SV2B: variants seen among roughly 807,000 people sequenced by gnomAD.
SV2B encodes solute carrier family 22 member B2.
In SV2B, 41 loss-of-function variants were observed where a neutral mutation model predicts 73.9. The ratio of observed to expected loss-of-function variants is 0.56; its 90% CI spans 0.43 to 0.72. The LOEUF (loss-of-function observed/expected upper bound fraction) is 0.72, where lower values mean the gene tolerates loss of function less well. SV2B is among the 30% of genes least tolerant of loss of function. SV2B has a pLI of 0.00. For missense variants in SV2B, 764 were observed against 857.8 expected (o/e 0.89, Z 1.37); for synonymous variants, 314 against 314.2 (o/e 1.00, Z 0.01).
chr15:91,188,613 C>T (rs943024203), intron 1 of SV2B, among the ~76,000 whole-genome samples: 4 of 152,062 alleles, frequency 2.6e-5, no homozygotes, highest in Non-Finnish European at 5.9e-5. Flanking sequence ...CCACTCCCGG[C>T]CTGAATGTTC....
Position 91,281,697 on chromosome 15 carries a change from G to T in SV2B, c.1374-31G>T. The T allele has an allele frequency of 6.5e-7, 1 of 1,526,812 alleles. No individual in the cohort carries two copies. The highest frequency in any genetic ancestry group is 1.8e-4 in the Middle Eastern group (1 of 5,672). The allele number at this position is 1,526,812 out of a possible 1,614,324, so 94.6% of individuals were successfully genotyped here. On this transcript the variant is annotated intron_variant, in intron 9 of 12. Coordinates refer to ENST00000394232, the MANE Select transcript of SV2B (RefSeq NM_001323032.3). The surrounding 1 kb of genome is among the most constrained non-coding windows in gnomAD (Gnocchi z 4.7). ...TCTTAAGTCTCTTTTTTTCTCAGAT[G>T]AATCACTCAAGGGTCAACCTCTTCC...
intron 1 of SV2B, among the ~76,000 whole-genome samples, chr15:91,172,366 A>G (rs2044151941): frequency 6.6e-6 from 1 of 152,200 alleles, no homozygotes; most frequent in Non-Finnish European, 1.5e-5. Context: ...AAGGTCTCCT[A>G]TGTGTCAGGC....
intron 1 of SV2B, among the ~76,000 whole-genome samples, chr15:91,191,132 T>C (rs1172159510): frequency 2.1e-5 from 3 of 144,656 alleles, no homozygotes; most frequent in East Asian, 2.2e-4. Flanking sequence ...ATGGTGCAAT[T>C]TGGGCTCACT....
intron 11 of SV2B, among the ~76,000 whole-genome samples, chr15:91,286,287 C>A (rs888776801): frequency 6.6e-6 from 1 of 152,176 alleles, no homozygotes; most frequent in Non-Finnish European, 1.5e-5. Context: ...ATAGCCCTAT[C>A]CCCACCTCTC....
In SV2B at chr15:91,253,947, A is replaced by G. The variant is rs1448407134; in HGVS notation, c.784+1427A>G. On this transcript the variant is annotated intron_variant, in intron 4 of 12. Coordinates refer to ENST00000394232, the MANE Select transcript of SV2B (RefSeq NM_001323032.3). This position sits in a 1 kb window ranked among gnomAD's most constrained non-coding sequence, Gnocchi z 5.0. Reference sequence around the variant, plus strand: ...TATATCAGAAACAGAAAAAATATGAAAAGGAATAGTGAAATAAAGAGTTGA... The same window carrying G: ...TATATCAGAAACAGAAAAAATATGAGAAGGAATAGTGAAATAAAGAGTTGA... 1.3e-5 allele frequency among the ~76,000 whole-genome samples: 2 copies of G among 152,194 alleles called. No individual in the cohort carries two copies. The highest frequency in any genetic ancestry group is 6.5e-5 in the Admixed American group (1 of 15,282).
chr15:91,293,721 G>A lies in SV2B; in HGVS notation c.*1169G>A, dbSNP rs911810879. Reference sequence around the variant, plus strand: ...TTTTTGTTTGTTCTAGTGGTAAAATGCAAATGCAATCCATATTTGTTAGGA... The same window carrying A: ...TTTTTGTTTGTTCTAGTGGTAAAATACAAATGCAATCCATATTTGTTAGGA... On this transcript the variant is annotated 3_prime_UTR_variant, in exon 13 of 13. Transcript: ENST00000394232. The A allele has an allele frequency of 2.6e-5, 4 of 152,222 alleles. No homozygotes were observed. Among genetic ancestry groups the A allele is most frequent in the African/African-American group, 7.2e-5 (3 of 41,450 alleles). 9.4% of individuals were successfully genotyped at this position (152,222 alleles called of 1,614,324 possible).
intron 1 of SV2B, among the ~76,000 whole-genome samples, chr15:91,195,743 T>C (rs182159267): frequency 1.3e-5 from 2 of 152,300 alleles, no homozygotes; most frequent in Admixed American, 1.3e-4. Context: ...AAAATGTAAA[T>C]AGTGGTAGTA....
intron 1 of SV2B, among the ~76,000 whole-genome samples, chr15:91,168,658 A>G (rs933181263): frequency 1.3e-5 from 2 of 152,134 alleles, no homozygotes; most frequent in Non-Finnish European, 2.9e-5. Context: ...AGCTGGGAGA[A>G]TTGAAAAAAA....
chr15:91,289,593 G>T lies in SV2B; in HGVS notation c.1781G>T (p.Gly594Val). ...GGCAACAGTGAGTCTGCAATGATCG[G>T]CTGGCAGTGCCTGTTCTGTGGGACA... The part of the protein sequence containing the change: ...FFGNSESAMI[G>V]WQCLFCGTSI... Residue 594 changes from glycine (G) to valine (V), a missense_variant, in exon 12 of 13, where the codon GGC (glycine) becomes GTC (valine). Coordinates refer to ENST00000394232, the MANE Select transcript of SV2B (RefSeq NM_001323032.3). This position sits in a 1 kb window ranked among gnomAD's most constrained non-coding sequence, Gnocchi z 4.9. 3.1e-6 allele frequency: 5 copies of T among 1,614,190 alleles called. No individual in the cohort carries two copies. The highest frequency in any genetic ancestry group is 3.4e-6 in the Non-Finnish European group (4 of 1,180,040).
chr15:91,177,361 A>T (rs1224855341), intron 1 of SV2B, among the ~76,000 whole-genome samples: 1 of 151,720 alleles, frequency 6.6e-6, no homozygotes, highest in African/African-American at 2.4e-5. Flanking sequence ...CTTAGGATTG[A>T]CTTGGCGATG....
Position 91,124,659 on chromosome 15 carries a change from A to AT in SV2B, c.-392+24296_-392+24297insT, listed in dbSNP as rs201868956. On this transcript the variant is annotated intron_variant, in intron 1 of 12. Transcript: ENST00000394232. This position sits in a 1 kb window ranked among gnomAD's most constrained non-coding sequence, Gnocchi z 4.6. ...ACAGAAATTTCTTTCTTTCAACAAAAATTTTTTTTTTTTTGAGACAGTCTC... is the reference window on the plus strand; with the variant it reads ...ACAGAAATTTCTTTCTTTCAACAAAATATTTTTTTTTTTTTGAGACAGTCTC... Among the ~76,000 whole-genome samples the AT allele has an allele frequency of 7.2e-3, 1,090 of 151,576 alleles. 8 individuals are homozygous for AT. The highest frequency in any genetic ancestry group is 0.025 in the African/African-American group (1,024 of 41,216).
At chr15:91,103,696 G>A (rs2041801065) in intron 1 of SV2B, among the ~76,000 whole-genome samples, 2 of 152,182 alleles carry the variant, frequency 1.3e-5, no homozygotes, top group Non-Finnish European at 2.9e-5. Context: ...GGCCAGAAAT[G>A]GGGCTGGATG....
chr15:91,227,509 T>C lies in SV2B; in HGVS notation c.451+795T>C, dbSNP rs1032553510. Reference sequence around the variant, plus strand: ...CTGAAAAATGTATCTACCCTCTAAATTTAGAGTCTATGAAATTAATTGTGC... The same window carrying C: ...CTGAAAAATGTATCTACCCTCTAAACTTAGAGTCTATGAAATTAATTGTGC... On this transcript the variant is annotated intron_variant, in intron 2 of 12. Coordinates refer to ENST00000394232, the MANE Select transcript of SV2B (RefSeq NM_001323032.3). The surrounding 1 kb of genome is among the most constrained non-coding windows in gnomAD (Gnocchi z 4.5). Among the ~76,000 whole-genome samples the C allele has an allele frequency of 8.5e-5, 13 of 152,316 alleles. No individual in the cohort carries two copies. Among genetic ancestry groups the C allele is most frequent in the African/African-American group, 3.1e-4 (13 of 41,580 alleles).
intron 4 of SV2B, among the ~76,000 whole-genome samples, chr15:91,256,234 A>G (rs1168869710): frequency 1.3e-5 from 2 of 152,214 alleles, no homozygotes; most frequent in African/African-American, 2.4e-5. Flanking sequence ...CCAAATTAAT[A>G]TTGTTCCAAA....
At position 91,220,378 on chromosome 15, in the gene SV2B, T is replaced by C. The variant is rs1346609895; in HGVS notation, c.-391-5495T>C. ...TCTCATAGCCTTTAATATAGCAATG[T>C]GCATTGTGCATTTCTGAAAGAGAAT... On this transcript the variant is annotated intron_variant, in intron 1 of 12. Coordinates refer to ENST00000394232, the MANE Select transcript of SV2B (RefSeq NM_001323032.3). The surrounding 1 kb of genome is among the most constrained non-coding windows in gnomAD (Gnocchi z 4.1). Among the ~76,000 whole-genome samples the C allele has an allele frequency of 3.3e-5, 5 of 152,224 alleles. No individual in the cohort carries two copies. Among genetic ancestry groups the C allele is most frequent in the African/African-American group, 1.2e-4 (5 of 41,458 alleles).
Position 91,138,530 on chromosome 15 carries a change from T to C in SV2B, c.-392+38167T>C, listed in dbSNP as rs59056037. Among the ~76,000 whole-genome samples, 1,241 of 152,322 alleles carry C rather than the reference T, an allele frequency of 8.1e-3. 24 individuals carry two copies. The highest frequency in any genetic ancestry group is 0.029 in the African/African-American group (1,195 of 41,570). On this transcript the variant is annotated intron_variant, in intron 1 of 12. Transcript: ENST00000394232. Reference sequence around the variant, plus strand: ...AACTATAGTTGGCACTCTGAGTTCATGGATTCAACCAATAACAGATTGAAG... The same window carrying C: ...AACTATAGTTGGCACTCTGAGTTCACGGATTCAACCAATAACAGATTGAAG...
intron 1 of SV2B, among the ~76,000 whole-genome samples, chr15:91,176,262 T>G (rs1221010967): frequency 6.6e-6 from 1 of 152,146 alleles, no homozygotes; most frequent in Non-Finnish European, 1.5e-5. Flanking sequence ...GGTGTATATG[T>G]GCCACATTTT....
At chr15:91,174,705 G>T (rs1055342494) in intron 1 of SV2B, among the ~76,000 whole-genome samples, 1 of 152,158 alleles carries the variant, frequency 6.6e-6, no homozygotes, top group Non-Finnish European at 1.5e-5. Flanking sequence ...GATAGTCAAA[G>T]AAAAGCTTTT....
Position 91,292,353 on chromosome 15 carries a change from C to A in SV2B, c.1869-16C>A. ...TGGTTCAGAATGTCAGAATTATTTC[C>A]ATTCCTCTTTTACAGAGCAACAGCC... On this transcript the variant is annotated splice_polypyrimidine_tract_variant and intron_variant, in intron 12 of 12. Coordinates refer to ENST00000394232, the MANE Select transcript of SV2B (RefSeq NM_001323032.3). 6.2e-7 allele frequency: 1 copy of A among 1,609,750 alleles called. No homozygotes were observed. Among genetic ancestry groups the A allele is most frequent in the Non-Finnish European group, 8.5e-7 (1 of 1,177,488 alleles).
Sources: allele counts gnomAD v4.1 joint callset (sites outside exome capture counted in the v4.1 genomes callset), GRCh38; gene constraint gnomAD v4.1.1; non-coding constraint Gnocchi (gnomAD v3.1); transcripts MANE v1.5; gene names NCBI Gene and HGNC (gene_info 2026-07-23, HGNC 2026-07-21).